Variants in NRG3 observed in about 807,000 individuals in gnomAD.
NRG3 encodes the protein neuregulin 3.
NRG3 carries 31 observed loss-of-function variants against 66.9 expected under a neutral mutation model. That is an observed-to-expected ratio of 0.46 (90% confidence interval 0.35 to 0.63). The LOEUF (loss-of-function observed/expected upper bound fraction) is 0.63, where lower values mean the gene tolerates loss of function less well. Among genes scored for constraint, NRG3 ranks in the 20% least tolerant of loss-of-function variants. NRG3 has a pLI of 0.00. For missense variants in NRG3, 910 were observed against 878.9 expected (o/e 1.04, Z -0.45); for synonymous variants, 393 against 359.4 (o/e 1.09, Z -1.06).
intron 1 of NRG3, among the ~76,000 whole-genome samples, chr10:82,332,680 A>T (rs1490754714): frequency 6.6e-6 from 1 of 152,148 alleles, no homozygotes; most frequent in Non-Finnish European, 1.5e-5. Flanking sequence ...ATGTTGTCTC[A>T]TCTCTCTACT....
At chr10:82,445,607 T>G (rs972477783) in intron 2 of NRG3, among the ~76,000 whole-genome samples, 1 of 152,176 alleles carries the variant, frequency 6.6e-6, no homozygotes. Flanking sequence ...GCTAAAAACT[T>G]GGGAAATAAT....
intron 2 of NRG3, among the ~76,000 whole-genome samples, chr10:82,533,699 C>T (rs72829333): frequency 5.9e-5 from 9 of 152,128 alleles, no homozygotes; most frequent in Non-Finnish European, 1.3e-4. Context: ...GGATACGTAT[C>T]ATCACCATTT....
intron 2 of NRG3, among the ~76,000 whole-genome samples, chr10:82,699,758 G>A (rs1181937567): frequency 2.6e-5 from 4 of 151,952 alleles, no homozygotes; most frequent in African/African-American, 9.7e-5. Flanking sequence ...CATGGCCCCA[G>A]TAAGAAGGCA....
At chr10:82,490,989 A>G (rs1320056455) in intron 2 of NRG3, among the ~76,000 whole-genome samples, 1 of 152,000 alleles carries the variant, frequency 6.6e-6, no homozygotes, top group Non-Finnish European at 1.5e-5. Context: ...TCCCATTCTC[A>G]AAAATGACCT....
chr10:82,619,921 C>T (rs1219292746), intron 2 of NRG3, among the ~76,000 whole-genome samples: 1 of 152,212 alleles, frequency 6.6e-6, no homozygotes, highest in Non-Finnish European at 1.5e-5. Flanking sequence ...GCCAACCAAT[C>T]TTGGCAGTTT....
intron 2 of NRG3, among the ~76,000 whole-genome samples, chr10:82,540,319 A>ATC (rs1462791456): frequency 2.0e-5 from 3 of 150,984 alleles, no homozygotes; most frequent in South Asian, 2.1e-4. Context: ...GTGCTTTTCC[A>ATC]TCTCTCTCTC....
Position 82,291,924 on chromosome 10 carries a change from T to C in NRG3, c.824-66815T>C, listed in dbSNP as rs565363156. On this transcript the variant is annotated intron_variant, in intron 1 of 8. Transcript: ENST00000372141. ...TGGGATCTAGCATTCAACAAAGTGTTCTTAAACTTGACACCAGACTCAATA... is the reference window on the plus strand; with the variant it reads ...TGGGATCTAGCATTCAACAAAGTGTCCTTAAACTTGACACCAGACTCAATA... 7.2e-5 allele frequency among the ~76,000 whole-genome samples: 11 copies of C among 152,322 alleles called. No homozygotes were observed. The South Asian group carries it at 2.3e-3, about 32-fold the overall frequency.
At chr10:82,813,653 A>T (rs1458657001) in intron 3 of NRG3, among the ~76,000 whole-genome samples, 1 of 152,190 alleles carries the variant, frequency 6.6e-6, no homozygotes, top group Non-Finnish European at 1.5e-5. Context: ...ATTATCAACA[A>T]TATGCTCAGA....
intron 1 of NRG3, among the ~76,000 whole-genome samples, chr10:82,296,117 G>T (rs925212123): frequency 2.6e-5 from 4 of 152,172 alleles, no homozygotes; most frequent in African/African-American, 9.7e-5. Flanking sequence ...AAAAGGTTGG[G>T]CATGAGCATT....
chr10:81,911,936 A>T (rs1164036914), intron 1 of NRG3, among the ~76,000 whole-genome samples: 1 of 152,150 alleles, frequency 6.6e-6, no homozygotes, highest in Non-Finnish European at 1.5e-5. Context: ...AATTGCCATT[A>T]TGCTTCTGAA....
chr10:82,114,966 A>G (rs1230942671), intron 1 of NRG3, among the ~76,000 whole-genome samples: 5 of 152,136 alleles, frequency 3.3e-5, no homozygotes, highest in East Asian at 1.9e-4. Context: ...TGTCTTCTCA[A>G]TCGCTCAGTT....
intron 1 of NRG3, among the ~76,000 whole-genome samples, chr10:82,318,107 C>T (rs143355141): frequency 6.6e-6 from 1 of 151,598 alleles, no homozygotes; most frequent in Non-Finnish European, 1.5e-5. Context: ...GATAAGCTAT[C>T]AATTTACATT....
At chr10:82,861,418 A>C (rs1360534052) in intron 3 of NRG3, among the ~76,000 whole-genome samples, 1 of 152,214 alleles carries the variant, frequency 6.6e-6, no homozygotes, top group Non-Finnish European at 1.5e-5. Flanking sequence ...TCTTTCCCTT[A>C]AGAAGATTCC....
intron 3 of NRG3, among the ~76,000 whole-genome samples, chr10:82,857,591 A>G (rs2063878989): frequency 1.3e-5 from 2 of 152,200 alleles, no homozygotes; most frequent in Non-Finnish European, 2.9e-5. Context: ...AAACAGGATG[A>G]TTTTGTGTAA....
intron 2 of NRG3, among the ~76,000 whole-genome samples, chr10:82,574,796 T>G (rs2045939480): frequency 6.6e-6 from 1 of 151,790 alleles, no homozygotes; most frequent in African/African-American, 2.4e-5. Context: ...CATGTTTTAC[T>G]TAAACATTAT....
chr10:82,569,712 A>G (rs1429881308), intron 2 of NRG3, among the ~76,000 whole-genome samples: 1 of 151,278 alleles, frequency 6.6e-6, no homozygotes, highest in East Asian at 2.0e-4. Flanking sequence ...TATCCCTTCT[A>G]CTCTACACTC....
intron 1 of NRG3, among the ~76,000 whole-genome samples, chr10:82,118,344 T>C (rs1310063994): frequency 1.3e-5 from 2 of 152,104 alleles, no homozygotes; most frequent in East Asian, 3.9e-4. Context: ...ATAGTCGAAG[T>C]TGCCAGAAAA....
At chr10:82,899,370 A>C (rs567070361) in intron 4 of NRG3, among the ~76,000 whole-genome samples, 1 of 152,292 alleles carries the variant, frequency 6.6e-6, no homozygotes, top group African/African-American at 2.4e-5. Context: ...ACAGATAACA[A>C]CTGTACTTAA....
At chr10:82,645,769 G>T (rs2050887541) in intron 2 of NRG3, among the ~76,000 whole-genome samples, 1 of 152,096 alleles carries the variant, frequency 6.6e-6, no homozygotes, top group South Asian at 2.1e-4. Context: ...GAAAAAACAA[G>T]AGTGTTGTAT....
Sources: gnomAD v4.1 joint callset for allele counts (sites outside exome capture counted in the v4.1 genomes callset) on GRCh38, gnomAD v4.1.1 for gene constraint, MANE v1.5 for transcripts, NCBI Gene and HGNC (gene_info 2026-07-23, HGNC 2026-07-21) for gene names.